DRC2: variants seen among roughly 807,000 people sequenced by gnomAD.
DRC2 encodes the protein dynein regulatory complex subunit 2.
the DRC2 span, among the ~76,000 whole-genome samples, chr12:48,920,441 T>TA: frequency 4.4e-4 from 30 of 67,808 alleles, no homozygotes; most frequent in African/African-American, 1.8e-3. Flanking sequence ...AACTCCATCT[T>TA]AAAAAAAAAA....
At chr12:48,908,501 A>G in the DRC2 span, among the ~76,000 whole-genome samples, 55 of 151,964 alleles carry the variant, frequency 3.6e-4, no homozygotes, top group East Asian at 0.01. Flanking sequence ...AACCTACACT[A>G]TTAGTAATAG....
the DRC2 span, chr12:48,914,380 G>A: frequency 6.4e-7 from 1 of 1,567,322 alleles, no homozygotes; most frequent in Non-Finnish European, 8.7e-7. Flanking sequence ...CAGCTGGAAT[G>A]GTAACTCTCT....
chr12:48,918,412 G>A, the DRC2 span: 207 of 1,614,040 alleles, frequency 1.3e-4, no homozygotes, highest in Non-Finnish European at 5.9e-5. Flanking sequence ...CCCTGCAGGT[G>A]AAGGATGAGA....
At chr12:48,909,769 G>A in the DRC2 span, among the ~76,000 whole-genome samples, 14 of 147,176 alleles carry the variant, frequency 9.5e-5, no homozygotes, top group South Asian at 4.3e-4. Flanking sequence ...GAGCCACCGC[G>A]CCCAGCCTCT....
At chr12:48,908,674 C>T in the DRC2 span, among the ~76,000 whole-genome samples, 3 of 151,630 alleles carry the variant, frequency 2.0e-5, no homozygotes, top group Non-Finnish European at 4.4e-5. Context: ...AATCTTGGCT[C>T]ACTGCAACCT....
the DRC2 span, among the ~76,000 whole-genome samples, chr12:48,916,495 C>T: frequency 2.0e-5 from 3 of 152,144 alleles, no homozygotes; most frequent in African/African-American, 7.2e-5. Context: ...AGGCACTCGG[C>T]AGGCTGAGGC....
At chr12:48,919,436 G>A in the DRC2 span, among the ~76,000 whole-genome samples, 5 of 152,070 alleles carry the variant, frequency 3.3e-5, no homozygotes, top group Non-Finnish European at 4.4e-5. Context: ...GGCCTCAGAC[G>A]ATCTTCCCAC....
chr12:48,911,393 C>T, the DRC2 span, among the ~76,000 whole-genome samples: 9 of 151,558 alleles, frequency 5.9e-5, no homozygotes, highest in Non-Finnish European at 1.3e-4. Context: ...AACCTGTCTA[C>T]AAAAAAACTT....
the DRC2 span, among the ~76,000 whole-genome samples, chr12:48,908,514 T>C: frequency 6.6e-6 from 1 of 151,820 alleles, no homozygotes; most frequent in Non-Finnish European, 1.5e-5. Flanking sequence ...AGTAATAGTT[T>C]CCTGTTTTCC....
chr12:48,904,649 G>T, the DRC2 span, among the ~76,000 whole-genome samples: 1 of 152,188 alleles, frequency 6.6e-6, no homozygotes, highest in Non-Finnish European at 1.5e-5. Context: ...AAGCACGGAG[G>T]GGGTGCGTGG....
At chr12:48,920,441 T>TTTTAAAAAAAAAAAAAAA in the DRC2 span, among the ~76,000 whole-genome samples, 2 of 67,816 alleles carry the variant, frequency 2.9e-5, 1 homozygote, top group Non-Finnish European at 5.2e-5. Flanking sequence ...AACTCCATCT[T>TTTTAAAAAAAAAAAAAAA]AAAAAAAAAA....
At chr12:48,908,611 ATTTATTTAT>A in the DRC2 span, among the ~76,000 whole-genome samples, 48 of 145,850 alleles carry the variant, frequency 3.3e-4, no homozygotes, top group African/African-American at 1.2e-3. Context: ...ATTATTATTT[ATTTATTTAT>A]TTTATTTTTA....
chr12:48,914,438 A>T, the DRC2 span: 1 of 1,613,866 alleles, frequency 6.2e-7, no homozygotes. Context: ...GCCGAGGAGC[A>T]GTACGCCCAT....
chr12:48,915,526 C>T, the DRC2 span, among the ~76,000 whole-genome samples: 44 of 151,722 alleles, frequency 2.9e-4, no homozygotes, highest in South Asian at 1.5e-3. Flanking sequence ...TACACAGACA[C>T]GGCAACCATC....
chr12:48,914,679 CATTG>C, the DRC2 span: 1 of 1,029,054 alleles, frequency 9.7e-7, no homozygotes, highest in East Asian at 2.6e-5. Context: ...GAGCATCCCA[CATTG>C]ATTATCACGG....
the DRC2 span, among the ~76,000 whole-genome samples, chr12:48,919,540 GT>G: frequency 7.0e-6 from 1 of 142,882 alleles, no homozygotes; most frequent in Non-Finnish European, 1.5e-5. Flanking sequence ...TTGAGACGAA[GT>G]TTTATTCACT....
the DRC2 span, chr12:48,914,307 C>A: frequency 6.8e-5 from 83 of 1,225,766 alleles, 3 homozygotes; most frequent in South Asian, 1.2e-3. Context: ...AAAGAATTGG[C>A]ATTAGGAACA....
At chr12:48,905,099 G>T in the DRC2 span, 6 of 1,607,720 alleles carry the variant, frequency 3.7e-6, no homozygotes, top group Non-Finnish European at 5.1e-6. Flanking sequence ...GGACTGTAAG[G>T]ACAATGTCAT....
the DRC2 span, chr12:48,921,486 T>G: frequency 8.4e-6 from 13 of 1,539,962 alleles, no homozygotes; most frequent in South Asian, 1.5e-4. Flanking sequence ...CAACCTGTGA[T>G]CTAAGGAAAA....
Sources: gnomAD v4.1 joint callset for allele counts (sites outside exome capture counted in the v4.1 genomes callset) on GRCh38, gnomAD v4.1.1 for gene constraint, MANE v1.5 for transcripts, NCBI Gene and HGNC (gene_info 2026-07-23, HGNC 2026-07-21) for gene names.